AFF3: variants seen among roughly 807,000 people sequenced by gnomAD.
The protein encoded by AFF3 is ALF transcription elongation factor 3, also known as AF4/FMR2 family member 3.
AFF3 carries 32 observed loss-of-function variants against 129.7 expected under a neutral mutation model. That is an observed-to-expected ratio of 0.25 (90% CI 0.19 to 0.33). AFF3 has a LOEUF of 0.33. Ranked by LOEUF, AFF3 falls within the 10% of genes least tolerant of loss-of-function variation. The probability of loss-of-function intolerance (pLI) is 1.00; values close to 1 mark genes in which losing one functional copy is unlikely to be tolerated. For missense variants in AFF3, 1,373 were observed against 1,592.0 expected (o/e 0.86, Z 2.34); for synonymous variants, 644 against 635.4 (o/e 1.01, Z -0.20).
At chr2:99,730,440 A>G (rs1679730880) in intron 10 of AFF3, among the ~76,000 whole-genome samples, 1 of 152,016 alleles carries the variant, frequency 6.6e-6, no homozygotes, top group Admixed American at 6.6e-5. Flanking sequence ...GGGACTAAAT[A>G]TGTTTTTTGA....
At chr2:99,907,861 A>G (rs1161620219) in intron 7 of AFF3, among the ~76,000 whole-genome samples, 1 of 152,138 alleles carries the variant, frequency 6.6e-6, no homozygotes, top group Non-Finnish European at 1.5e-5. Flanking sequence ...GGTTCACTGT[A>G]TCCTTTTTGT....
intron 13 of AFF3, among the ~76,000 whole-genome samples, chr2:99,611,186 C>T (rs952091256): frequency 3.3e-5 from 5 of 152,048 alleles, no homozygotes; most frequent in Admixed American, 2.6e-4. Flanking sequence ...TGGTGAGACC[C>T]CCCCTACTTT....
Position 99,582,822 on chromosome 2 carries a change from C to A in AFF3, c.2769G>T (p.Leu923=). The part of the protein sequence containing the change: ...SSKKPKADSQ[L]QPHGGDLTKA... ...CCGTGAGGTCTCCGCCGTGAGGCTGCAGCTGGCTGTCGGCCTTAGGCTTTT... is the reference window on the plus strand; with the variant it reads ...CCGTGAGGTCTCCGCCGTGAGGCTGAAGCTGGCTGTCGGCCTTAGGCTTTT... Residue 923 remains leucine, a synonymous_variant, in exon 17 of 25, where the codon CTG becomes CTT. Transcript: ENST00000672756. 5 of 1,614,176 alleles carry A rather than the reference C, an allele frequency of 3.1e-6. No homozygotes were observed. The highest frequency in any genetic ancestry group is 3.4e-6 in the Non-Finnish European group (4 of 1,180,034).
intron 7 of AFF3, among the ~76,000 whole-genome samples, chr2:99,999,079 A>G (rs1383991353): frequency 2.0e-5 from 3 of 152,152 alleles, no homozygotes; most frequent in Non-Finnish European, 2.9e-5. Context: ...CCGGGGAAGG[A>G]CTTCTGCTCA....
At chr2:100,052,065 A>C (rs1474425894) in intron 4 of AFF3, among the ~76,000 whole-genome samples, 1 of 152,204 alleles carries the variant, frequency 6.6e-6, no homozygotes, top group Non-Finnish European at 1.5e-5. Context: ...GGTGGGGGGC[A>C]GAAGGAAACA....
intron 7 of AFF3, among the ~76,000 whole-genome samples, chr2:99,858,724 G>A (rs1004352701): frequency 6.6e-6 from 1 of 152,136 alleles, no homozygotes; most frequent in Non-Finnish European, 1.5e-5. Context: ...ACATAGAGGG[G>A]AAAAACAGTC....
intron 16 of AFF3, among the ~76,000 whole-genome samples, chr2:99,585,345 A>C (rs1677991743): frequency 1.3e-5 from 2 of 152,288 alleles, no homozygotes; most frequent in South Asian, 4.2e-4. Context: ...TCTTCTTTGA[A>C]ATTGGCAATC....
intron 8 of AFF3, among the ~76,000 whole-genome samples, chr2:99,814,430 C>G (rs1371359208): frequency 6.6e-6 from 1 of 152,160 alleles, no homozygotes; most frequent in African/African-American, 2.4e-5. Context: ...CATGCAGAAG[C>G]TGAGTTGGAG....
chr2:100,133,494 C>A lies in AFF3; in HGVS notation c.-227-4188G>T, dbSNP rs977328910. On this transcript the variant is annotated intron_variant, in intron 1 of 24. Transcript: ENST00000672756. ...TGTAGTTCAGGCTGGAGTGCAGTGG[C>A]CACTCACAGGCATGATCATAGTGAC... 7.9e-5 allele frequency among the ~76,000 whole-genome samples: 12 copies of A among 152,038 alleles called. No homozygotes were observed. In the East Asian group the frequency reaches 2.3e-3, roughly 29 times the overall value.
At chr2:100,092,777 G>A (rs1463315644) in intron 4 of AFF3, among the ~76,000 whole-genome samples, 2 of 151,756 alleles carry the variant, frequency 1.3e-5, no homozygotes, top group African/African-American at 4.8e-5. Flanking sequence ...CTTTAAGACT[G>A]CAATCAGATG....
chr2:100,016,524 G>T (rs1390410238), intron 4 of AFF3, among the ~76,000 whole-genome samples: 2 of 151,178 alleles, frequency 1.3e-5, no homozygotes, highest in Non-Finnish European at 3.0e-5. Flanking sequence ...GGTGGTGGCG[G>T]TAGTGGTGGT....
At chr2:100,036,953 G>A (rs1476778441) in intron 4 of AFF3, among the ~76,000 whole-genome samples, 2 of 152,120 alleles carry the variant, frequency 1.3e-5, no homozygotes, top group Non-Finnish European at 2.9e-5. Context: ...GCTGTGCAGA[G>A]CGGCAGGAGG....
chr2:99,811,285 C>T (rs1440888269), intron 8 of AFF3, among the ~76,000 whole-genome samples: 2 of 152,330 alleles, frequency 1.3e-5, no homozygotes, highest in East Asian at 1.9e-4. Context: ...CAACCAAAAC[C>T]AACCCTGTAG....
At chr2:99,737,831 G>T (rs1192774913) in intron 10 of AFF3, among the ~76,000 whole-genome samples, 1 of 151,168 alleles carries the variant, frequency 6.6e-6, no homozygotes, top group African/African-American at 2.4e-5. Flanking sequence ...CTAATTTCCT[G>T]TTTTCCATTT....
intron 12 of AFF3, among the ~76,000 whole-genome samples, chr2:99,654,770 C>T (rs921183471): frequency 2.0e-5 from 3 of 151,906 alleles, no homozygotes; most frequent in Non-Finnish European, 4.4e-5. Context: ...TTTTTTTCTG[C>T]CAGAAATTGC....
At chr2:99,957,336 C>T (rs1576428334) in intron 7 of AFF3, among the ~76,000 whole-genome samples, 1 of 152,148 alleles carries the variant, frequency 6.6e-6, no homozygotes, top group African/African-American at 2.4e-5. Flanking sequence ...TGCTTAACAC[C>T]TTAGGGTTGC....
At chr2:99,982,407 T>A (rs947209946) in intron 7 of AFF3, among the ~76,000 whole-genome samples, 1 of 152,244 alleles carries the variant, frequency 6.6e-6, no homozygotes, top group South Asian at 2.1e-4. Flanking sequence ...CCGCCATGAT[T>A]GTGAGGCCTC....
chr2:99,569,739 C>T (rs1247221540), intron 18 of AFF3, among the ~76,000 whole-genome samples: 1 of 152,116 alleles, frequency 6.6e-6, no homozygotes, highest in African/African-American at 2.4e-5. Flanking sequence ...CATTTTTAGG[C>T]ACCGGCAGCA....
chr2:100,004,640 A>G (rs559992776), intron 7 of AFF3, among the ~76,000 whole-genome samples: 122 of 152,276 alleles, frequency 8.0e-4, no homozygotes, highest in Middle Eastern at 3.4e-3. Flanking sequence ...CACCTGCGAA[A>G]GAGTATGTCT....
Sources: allele counts gnomAD v4.1 joint callset (sites outside exome capture counted in the v4.1 genomes callset), GRCh38; gene constraint gnomAD v4.1.1; transcripts MANE v1.5; gene names NCBI Gene and HGNC (gene_info 2026-07-23, HGNC 2026-07-21).